LRRC4C: variants seen among roughly 807,000 people sequenced by gnomAD.
LRRC4C encodes leucine-rich repeat-containing protein 4C.
A neutral mutation model predicts 33.6 loss-of-function variants in LRRC4C; 5 were observed. The observed-to-expected ratio is 0.15, with a 90% CI of 0.08 to 0.31. The LOEUF is 0.31. Ranked by LOEUF, LRRC4C falls within the 10% of genes least tolerant of loss-of-function variation. LRRC4C has a pLI of 1.00. For missense variants in LRRC4C, 560 were observed against 796.7 expected, an observed-to-expected ratio of 0.70 and a Z score of 3.58; for synonymous variants, 329 against 302.0, an observed-to-expected ratio of 1.09 and a Z score of -0.93.
At chr11:41,183,195 T>A (rs1332325103) in intron 1 of LRRC4C, among the ~76,000 whole-genome samples, 1 of 152,222 alleles carries the variant, frequency 6.6e-6, no homozygotes, top group South Asian at 2.1e-4. Flanking sequence ...CCAAATCTCA[T>A]GTCTTCACAT....
intron 1 of LRRC4C, among the ~76,000 whole-genome samples, chr11:41,374,987 C>T (rs997524791): frequency 1.3e-5 from 2 of 151,782 alleles, no homozygotes; most frequent in East Asian, 1.9e-4. Flanking sequence ...ATTAGCCGGG[C>T]GTGATGGCAT....
intron 2 of LRRC4C, among the ~76,000 whole-genome samples, chr11:40,668,004 A>T (rs946011191): frequency 2.0e-5 from 3 of 152,204 alleles, no homozygotes; most frequent in African/African-American, 7.2e-5. Context: ...TTCAATTCCG[A>T]GTGTGCTTTA....
At chr11:40,776,321 T>G (rs972069814) in intron 2 of LRRC4C, among the ~76,000 whole-genome samples, 1 of 152,028 alleles carries the variant, frequency 6.6e-6, no homozygotes, top group African/African-American at 2.4e-5. Flanking sequence ...AGCTCTTCTC[T>G]GTATGTCTTA....
intron 1 of LRRC4C, among the ~76,000 whole-genome samples, chr11:41,381,647 G>GT (rs1565628560): frequency 0.01 from 1,532 of 149,502 alleles, 30 homozygotes; most frequent in African/African-American, 0.036. Context: ...AAAGAAAAAA[G>GT]AAAGATGGAA....
chr11:40,645,414 G>A (rs764232069), intron 3 of LRRC4C, among the ~76,000 whole-genome samples: 4 of 152,078 alleles, frequency 2.6e-5, no homozygotes, highest in African/African-American at 9.7e-5. Flanking sequence ...GTCTCGGTCA[G>A]TGCAAAGCAT....
At chr11:41,294,214 C>T (rs1950074023) in intron 1 of LRRC4C, among the ~76,000 whole-genome samples, 1 of 152,180 alleles carries the variant, frequency 6.6e-6, no homozygotes, top group Admixed American at 6.5e-5. Flanking sequence ...TTCACACACA[C>T]ATTGCCTAGG....
At chr11:41,108,727 T>C (rs1941657060) in intron 1 of LRRC4C, among the ~76,000 whole-genome samples, 1 of 152,150 alleles carries the variant, frequency 6.6e-6, no homozygotes, top group African/African-American at 2.4e-5. Context: ...ATAGTCCCCA[T>C]TCTAAAAGAT....
intron 3 of LRRC4C, among the ~76,000 whole-genome samples, chr11:40,366,583 A>C (rs1234224536): frequency 6.6e-6 from 1 of 152,086 alleles, no homozygotes; most frequent in Admixed American, 6.6e-5. Context: ...TGTATATATA[A>C]CATACGTGTA....
chr11:40,260,152 C>T lies in LRRC4C; in HGVS notation c.-175-18554G>A, dbSNP rs553675070. ...CACAATAGCAAAGACTTGGAACCAA[C>T]CCAAATGTCCAACAATGATAGACTG... On this transcript the variant is annotated intron_variant, in intron 4 of 6. Coordinates refer to ENST00000528697, the MANE Select transcript of LRRC4C (RefSeq NM_001258419.2). Among the ~76,000 whole-genome samples the T allele has an allele frequency of 1.1e-3, 127 of 116,490 alleles. 5 individuals are homozygous for T. The South Asian group carries it at 0.043, about 39-fold the overall frequency. 76.4% of individuals were successfully genotyped at this position (116,490 alleles called of 152,430 possible). A position where few individuals can be genotyped will look rare whatever the true frequency, so the allele number is the denominator to read the frequency against.
intron 1 of LRRC4C, among the ~76,000 whole-genome samples, chr11:41,393,079 T>A (rs1011836809): frequency 2.6e-5 from 4 of 151,952 alleles, no homozygotes; most frequent in African/African-American, 9.7e-5. Context: ...GTAAAGTCAC[T>A]TAAGTTAGTT....
chr11:40,931,455 A>G (rs1327221817), intron 2 of LRRC4C, among the ~76,000 whole-genome samples: 2 of 152,114 alleles, frequency 1.3e-5, no homozygotes, highest in Non-Finnish European at 2.9e-5. Flanking sequence ...GAGTCTTACT[A>G]TTTAACTCAG....
At chr11:40,757,451 A>G (rs1163635646) in intron 2 of LRRC4C, among the ~76,000 whole-genome samples, 1 of 152,114 alleles carries the variant, frequency 6.6e-6, no homozygotes, top group African/African-American at 2.4e-5. Context: ...TGCTGTTAAT[A>G]TAACTGCTAT....
intron 2 of LRRC4C, among the ~76,000 whole-genome samples, chr11:40,651,822 G>A (rs558841416): frequency 1.3e-5 from 2 of 152,204 alleles, no homozygotes; most frequent in East Asian, 1.9e-4. Flanking sequence ...AGCTAGTTTT[G>A]CTTGCATTTA....
chr11:40,516,871 T>C lies in LRRC4C; in HGVS notation c.-270+131271A>G, dbSNP rs535089547. 3.3e-5 allele frequency among the ~76,000 whole-genome samples: 5 copies of C among 152,290 alleles called. No homozygotes were observed. In the South Asian group the frequency reaches 1.0e-3, roughly 32 times the overall value. On this transcript the variant is annotated intron_variant, in intron 3 of 6. Transcript: ENST00000528697. The stretch of plus-strand genomic sequence containing the variant: ...ATCTTGTTTCTAACTCAGAGGGGGA[T>C]GTGTCAAAAGGTGTCAGTTAGGTTC...
At chr11:41,094,447 C>T (rs1342777594) in intron 1 of LRRC4C, among the ~76,000 whole-genome samples, 1 of 151,930 alleles carries the variant, frequency 6.6e-6, no homozygotes, top group African/African-American at 2.4e-5. Context: ...TGGCATGAAC[C>T]CAGGAGGCGG....
chr11:40,753,804 C>T (rs1486895716), intron 2 of LRRC4C, among the ~76,000 whole-genome samples: 3 of 151,874 alleles, frequency 2.0e-5, no homozygotes, highest in Non-Finnish European at 2.9e-5. Context: ...TCCAAAAACA[C>T]ATTCAAATGA....
At chr11:40,696,041 ATG>A (rs567120072) in intron 2 of LRRC4C, among the ~76,000 whole-genome samples, 126 of 143,966 alleles carry the variant, frequency 8.8e-4, no homozygotes, top group Middle Eastern at 3.7e-3. Context: ...GTATATATAT[ATG>A]TGTGTGTGTG....
At chr11:40,708,264 G>T (rs185791619) in intron 2 of LRRC4C, among the ~76,000 whole-genome samples, 1 of 152,042 alleles carries the variant, frequency 6.6e-6, no homozygotes, top group African/African-American at 2.4e-5. Context: ...GCTTTTGAAT[G>T]TGTTTGCTCT....
At chr11:40,964,648 G>A (rs1434453657) in intron 1 of LRRC4C, among the ~76,000 whole-genome samples, 1 of 151,428 alleles carries the variant, frequency 6.6e-6, no homozygotes, top group Non-Finnish European at 1.5e-5. Context: ...GTGATAGTTT[G>A]CTAAGAATGA....
Sources: gnomAD v4.1 joint callset for allele counts (sites outside exome capture counted in the v4.1 genomes callset) on GRCh38, gnomAD v4.1.1 for gene constraint, MANE v1.5 for transcripts, NCBI Gene and HGNC (gene_info 2026-07-23, HGNC 2026-07-21) for gene names.